PCDH9: variants seen among roughly 807,000 people sequenced by gnomAD.
PCDH9 encodes the protein protocadherin-9.
Under a neutral mutation model 70.6 loss-of-function variants are expected in PCDH9, and 24 were observed. The observed-to-expected ratio is 0.34, with a 90% CI of 0.25 to 0.48. The LOEUF (loss-of-function observed/expected upper bound fraction) is 0.48. Among genes scored for constraint, PCDH9 ranks in the 20% least tolerant of loss-of-function variants. The pLI, the probability that PCDH9 is intolerant of heterozygous loss-of-function variation, is 0.99. For synonymous variants in PCDH9, 562 were observed against 558.5 expected (o/e 1.01, Z -0.09); for missense variants, 1,281 against 1,503.6 (o/e 0.85, Z 2.45).
chr13:67,127,180 T>A (rs1277369551), intron 2 of PCDH9, among the ~76,000 whole-genome samples: 5 of 152,140 alleles, frequency 3.3e-5, no homozygotes, highest in Non-Finnish European at 7.4e-5. Flanking sequence ...AGAGACAAAT[T>A]CAAACAGCCC....
At chr13:66,467,801 T>C (rs2138472151) in intron 4 of PCDH9, among the ~76,000 whole-genome samples, 1 of 152,260 alleles carries the variant, frequency 6.6e-6, no homozygotes, top group East Asian at 1.9e-4. Flanking sequence ...CTCTTATTTA[T>C]AGCAAAAATT....
intron 3 of PCDH9, among the ~76,000 whole-genome samples, chr13:66,838,994 G>A (rs1295912179): frequency 6.6e-6 from 1 of 151,830 alleles, no homozygotes; most frequent in African/African-American, 2.4e-5. Context: ...CTGTGCTTTT[G>A]TAAAGTGAAA....
At chr13:66,607,660 C>G (rs1193737000) in intron 4 of PCDH9, among the ~76,000 whole-genome samples, 2 of 152,150 alleles carry the variant, frequency 1.3e-5, no homozygotes, top group South Asian at 2.1e-4. Context: ...GAATTAGTCT[C>G]AAATGTTATT....
rs191561492 is a variant in PCDH9, at chr13:67,000,793, T to C, written c.3037-97188A>G. Among the ~76,000 whole-genome samples the C allele has an allele frequency of 3.0e-3, 456 of 152,326 alleles. 1 individual carries two copies. Among genetic ancestry groups the C allele is most frequent in the Admixed American group, 5.4e-3 (82 of 15,302 alleles). Reference sequence around the variant, plus strand: ...AAAAGGGGATTTCCAGATTAATTCATGACGAAGTGATTATATTCACAGTGC... The same window carrying C: ...AAAAGGGGATTTCCAGATTAATTCACGACGAAGTGATTATATTCACAGTGC... On this transcript the variant is annotated intron_variant, in intron 2 of 4. Coordinates refer to ENST00000377865, the MANE Select transcript of PCDH9 (RefSeq NM_203487.3).
intron 2 of PCDH9, among the ~76,000 whole-genome samples, chr13:67,040,982 T>C (rs1252728346): frequency 1.3e-5 from 2 of 151,846 alleles, no homozygotes; most frequent in Admixed American, 6.6e-5. Context: ...AAGAAAGAAA[T>C]TGAGATAATT....
intron 3 of PCDH9, among the ~76,000 whole-genome samples, chr13:66,837,826 C>A (rs1229162800): frequency 6.6e-6 from 1 of 152,128 alleles, no homozygotes; most frequent in Non-Finnish European, 1.5e-5. Context: ...GATAAAAGCA[C>A]TCCCCAGGCA....
intron 3 of PCDH9, among the ~76,000 whole-genome samples, chr13:66,824,393 T>C (rs1422311625): frequency 2.7e-5 from 4 of 147,326 alleles, no homozygotes; most frequent in Non-Finnish European, 6.0e-5. Context: ...CGGTGGCTCA[T>C]GCCTGTAATC....
At chr13:66,780,380 T>C (rs1174057447) in intron 3 of PCDH9, among the ~76,000 whole-genome samples, 2 of 152,204 alleles carry the variant, frequency 1.3e-5, no homozygotes, top group South Asian at 2.1e-4. Flanking sequence ...CATGGTCATA[T>C]GAGGCTGTGC....
intron 4 of PCDH9, among the ~76,000 whole-genome samples, chr13:66,513,924 C>T (rs80002756): frequency 1.3e-5 from 2 of 152,034 alleles, no homozygotes; most frequent in East Asian, 3.9e-4. Context: ...TTTCAGAAAG[C>T]TATTTCCTGG....
chr13:66,718,213 A>T (rs1034124122), intron 3 of PCDH9, among the ~76,000 whole-genome samples: 7 of 152,182 alleles, frequency 4.6e-5, no homozygotes, highest in African/African-American at 1.4e-4. Flanking sequence ...AAAGGTTAGA[A>T]TTCATATTTG....
intron 3 of PCDH9, among the ~76,000 whole-genome samples, chr13:66,878,750 T>A (rs1489927698): frequency 6.6e-6 from 1 of 152,000 alleles, no homozygotes; most frequent in Non-Finnish European, 1.5e-5. Context: ...TAAACAAAGG[T>A]ATCTGCAAAG....
At chr13:66,618,230 A>G (rs2077382484) in intron 4 of PCDH9, among the ~76,000 whole-genome samples, 2 of 152,186 alleles carry the variant, frequency 1.3e-5, no homozygotes, top group Admixed American at 6.5e-5. Context: ...GGTGGGACAA[A>G]GAACCTCATC....
chr13:67,071,263 T>G (rs1425331041), intron 2 of PCDH9, among the ~76,000 whole-genome samples: 1 of 152,148 alleles, frequency 6.6e-6, no homozygotes, highest in Non-Finnish European at 1.5e-5. Context: ...ACCAAATAAA[T>G]GTTCAACACT....
At chr13:67,219,088 A>ATAG in intron 2 of PCDH9, 1 of 152,020 alleles carries the variant, frequency 6.6e-6, no homozygotes, top group Non-Finnish European at 1.5e-5. Flanking sequence ...TGTCTATCAG[A>ATAG]GACAAACTGT....
intron 2 of PCDH9, among the ~76,000 whole-genome samples, chr13:67,058,165 A>G (rs2085459788): frequency 6.6e-6 from 1 of 152,186 alleles, no homozygotes; most frequent in South Asian, 2.1e-4. Flanking sequence ...TCATGACTTC[A>G]GAAATTTTAT....
At chr13:66,430,247 A>G (rs1957747667) in intron 4 of PCDH9, among the ~76,000 whole-genome samples, 1 of 152,086 alleles carries the variant, frequency 6.6e-6, no homozygotes, top group Non-Finnish European at 1.5e-5. Context: ...ACACTCATAC[A>G]TTATCCAAAA....
At chr13:66,848,237 A>G (rs12860004) in intron 3 of PCDH9, among the ~76,000 whole-genome samples, 44,668 of 152,118 alleles carry the variant, frequency 0.29, 7,381 homozygotes, top group Non-Finnish European at 0.37. Flanking sequence ...AAAATAAGCT[A>G]TATATATAAT....
intron 2 of PCDH9, among the ~76,000 whole-genome samples, chr13:67,114,663 T>G (rs1346391785): frequency 6.6e-6 from 1 of 152,202 alleles, no homozygotes; most frequent in Non-Finnish European, 1.5e-5. Context: ...GAGTTTTACA[T>G]CCACTCCAGA....
intron 2 of PCDH9, among the ~76,000 whole-genome samples, chr13:66,983,205 G>A (rs188724735): frequency 1.2e-4 from 19 of 152,156 alleles, no homozygotes; most frequent in East Asian, 1.2e-3. Context: ...CGTCCTGCAC[G>A]TGTACCCCAG....
Sources: allele counts gnomAD v4.1 joint callset (sites outside exome capture counted in the v4.1 genomes callset), GRCh38; gene constraint gnomAD v4.1.1; transcripts MANE v1.5; gene names NCBI Gene and HGNC (gene_info 2026-07-23, HGNC 2026-07-21).